The following DGLUCY variants were observed in gnomAD, a reference collection of about 807,000 sequenced individuals.
DGLUCY encodes the protein D-glutamate cyclase.
DGLUCY carries 58 observed loss-of-function variants against 58.5 expected under a neutral mutation model. The ratio of observed to expected loss-of-function variants is 0.99; its 90% CI spans 0.80 to 1.23. DGLUCY has a LOEUF of 1.23. Among genes scored for constraint, DGLUCY ranks in the 50% most tolerant of loss-of-function variants. The pLI is 0.00. For missense variants in DGLUCY, 779 were observed against 784.7 expected (o/e 0.99, Z 0.09); for synonymous variants, 325 against 314.1 (o/e 1.03, Z -0.37).
At chr14:91,148,585 G>A (rs1020920259) in intron 1 of DGLUCY, 3 of 152,128 alleles carry the variant, frequency 2.0e-5, no homozygotes, top group African/African-American at 4.8e-5. Flanking sequence ...TACAGATTAC[G>A]AAAATGATAG....
chr14:91,125,421 GTTGT>G (rs1566952430), intron 1 of DGLUCY: 1 of 152,184 alleles, frequency 6.6e-6, no homozygotes, highest in Non-Finnish European at 1.5e-5. Context: ...TTTAGGTAAG[GTTGT>G]TTGTCCAGAG....
rs1480177875 is a variant in DGLUCY at position 91,189,116 on chromosome 14, G to GACCTGGAACTTGC, written c.1144_1145insTGGAACTTGCACC (p.Gln382LeufsTer16). The stretch of plus-strand genomic sequence containing the variant: ...GGAGAAGGAGGTCGCCATAATCGTT[G>GACCTGGAACTTGC]ACCAGAGAGCCTGGAACTTGCACCA... On this transcript the variant is annotated frameshift_variant, in exon 9 of 14. Coordinates refer to ENST00000256324, the MANE Select transcript of DGLUCY (RefSeq NM_001102368.3). LOFTEE classifies it high-confidence loss of function. 1 of 1,614,052 alleles carries GACCTGGAACTTGC rather than the reference G, an allele frequency of 6.2e-7. No homozygotes were observed. Among genetic ancestry groups the GACCTGGAACTTGC allele is most frequent in the African/African-American group, 1.3e-5 (1 of 74,918 alleles).
intron 1 of DGLUCY, among the ~76,000 whole-genome samples, chr14:91,075,379 G>A (rs1346183243): frequency 6.6e-6 from 1 of 152,098 alleles, no homozygotes; most frequent in East Asian, 1.9e-4. Context: ...CTGGCCTCAA[G>A]TGATCTCCCC....
At chr14:91,146,766 G>T (rs1429773295) in intron 1 of DGLUCY, among the ~76,000 whole-genome samples, 1 of 152,194 alleles carries the variant, frequency 6.6e-6, no homozygotes, top group Non-Finnish European at 1.5e-5. Flanking sequence ...GCTGCAGAAG[G>T]TGACTGCAGG....
intron 5 of DGLUCY, among the ~76,000 whole-genome samples, chr14:91,172,342 G>T (rs1272871524): frequency 1.3e-5 from 2 of 152,178 alleles, no homozygotes; most frequent in Non-Finnish European, 2.9e-5. Flanking sequence ...GCCTCCCAAA[G>T]TGCTGGTATT....
At chr14:91,125,101 C>A (rs2045594357) in intron 1 of DGLUCY, among the ~76,000 whole-genome samples, 1 of 152,154 alleles carries the variant, frequency 6.6e-6, no homozygotes, top group Admixed American at 6.6e-5. Context: ...CCCATTCCAG[C>A]CAATGGAAAC....
At chr14:91,224,540 T>G in intron 13 of DGLUCY, 144 bp from the exon 14 acceptor site, 2 of 772,624 alleles carry the variant, frequency 2.6e-6, no homozygotes, top group Non-Finnish European at 4.0e-6. Context: ...TTTCCAATGG[T>G]ATTAGTACTT....
chr14:91,122,574 T>C (rs1463666041), intron 1 of DGLUCY, among the ~76,000 whole-genome samples: 1 of 151,898 alleles, frequency 6.6e-6, no homozygotes, highest in African/African-American at 2.4e-5. Flanking sequence ...CAATGTTATG[T>C]GTATTTTAAC....
intron 12 of DGLUCY, among the ~76,000 whole-genome samples, chr14:91,207,990 C>G (rs1171221838): frequency 1.3e-5 from 2 of 152,150 alleles, no homozygotes; most frequent in African/African-American, 2.4e-5. Context: ...TCAGGTGATT[C>G]GTCTGCCTTG....
intron 1 of DGLUCY, among the ~76,000 whole-genome samples, chr14:91,147,091 T>A (rs1183027258): frequency 6.6e-6 from 1 of 152,188 alleles, no homozygotes; most frequent in Non-Finnish European, 1.5e-5. Context: ...GTGGCCTTCC[T>A]CTCTGAGTCC....
At chr14:91,167,089 A>G (rs2048325789) in intron 3 of DGLUCY, 136 bp from the exon 4 acceptor site, 1 of 1,155,486 alleles carries the variant, frequency 8.7e-7, no homozygotes, top group Admixed American at 2.6e-5. Flanking sequence ...CAGTGAGCCA[A>G]GATTGTGCCA....
At position 91,224,765 on chromosome 14, in the gene DGLUCY, C is replaced by T; in HGVS notation, c.1798C>T (p.Leu600=). 1 of 1,613,756 alleles carries T rather than the reference C, an allele frequency of 6.2e-7. No individual in the cohort carries two copies. Among genetic ancestry groups the T allele is most frequent in the Non-Finnish European group, 8.5e-7 (1 of 1,179,776 alleles). Residue 600 remains leucine (L), a synonymous_variant, in exon 14 of 14, where the codon CTG becomes TTG. Transcript: ENST00000256324. ...SGIVGMEVDG[L]PFHNTHAEMI... ...CATCGTGGGCATGGAGGTGGATGGGCTGCCCTTCCACAACACCCACGCCGA... is the reference window on the plus strand; with the variant it reads ...CATCGTGGGCATGGAGGTGGATGGGTTGCCCTTCCACAACACCCACGCCGA...
In DGLUCY at chr14:91,189,570, G is replaced by A. The variant is rs1429736789; in HGVS notation, c.1195+400G>A. Among the ~76,000 whole-genome samples the A allele has an allele frequency of 4.6e-5, 7 of 152,318 alleles. No homozygotes were observed. The East Asian group carries it at 1.4e-3, about 29-fold the overall frequency. ...GACAGCAGTCCCACCTGGTCGTGAT[G>A]GGCAGGGCTGCACCTGGAGCACCCA... On this transcript the variant is annotated intron_variant, in intron 9 of 13. Transcript: ENST00000256324.
chr14:91,218,158 T>C (rs1381852791), intron 13 of DGLUCY, among the ~76,000 whole-genome samples: 1 of 152,154 alleles, frequency 6.6e-6, no homozygotes, highest in Non-Finnish European at 1.5e-5. Context: ...AGGGAAATGG[T>C]CTGCCCTAGA....
intron 9 of DGLUCY, chr14:91,189,803 C>CTTTTT (rs2049757372): frequency 6.5e-6 from 1 of 153,858 alleles, no homozygotes; most frequent in African/African-American, 2.4e-5. Context: ...ATGCATTCTT[C>CTTTTT]AGAGGTATGT....
intron 1 of DGLUCY, among the ~76,000 whole-genome samples, chr14:91,152,939 C>T (rs188909906): frequency 4.4e-4 from 67 of 152,212 alleles, no homozygotes; most frequent in South Asian, 3.5e-3. Flanking sequence ...TGTTTCCTGT[C>T]GTTGTGGGCT....
chr14:91,202,058 A>AAATATTAATAATAAT (rs1555405470), intron 11 of DGLUCY, among the ~76,000 whole-genome samples: 8 of 142,576 alleles, frequency 5.6e-5, no homozygotes, highest in African/African-American at 2.1e-4. Context: ...TCTGTCTCAA[A>AAATATTAATAATAAT]AATAATAATA....
intron 1 of DGLUCY, among the ~76,000 whole-genome samples, chr14:91,135,969 C>T (rs2046312099): frequency 9.1e-6 from 1 of 110,470 alleles, no homozygotes; most frequent in Non-Finnish European, 1.7e-5. Flanking sequence ...GAGTCTGGCT[C>T]TGTCGCCCAG....
Position 91,202,307 on chromosome 14 carries a change from G to A in DGLUCY, c.1445-2399G>A, listed in dbSNP as rs183011967. On this transcript the variant is annotated intron_variant, in intron 11 of 13. Transcript: ENST00000256324. ...AGGGAATCATGCCTTTATGAATTGCGGAAAGGCTTAGTGTAAGCCCCAAGG... is the reference window on the plus strand; with the variant it reads ...AGGGAATCATGCCTTTATGAATTGCAGAAAGGCTTAGTGTAAGCCCCAAGG... Among the ~76,000 whole-genome samples the A allele has an allele frequency of 7.3e-3, 1,104 of 152,102 alleles. 9 individuals are homozygous for A. The highest frequency in any genetic ancestry group is 0.012 in the Non-Finnish European group (809 of 67,986).
Sources: allele counts gnomAD v4.1 joint callset (sites outside exome capture counted in the v4.1 genomes callset), GRCh38; gene constraint gnomAD v4.1.1; transcripts MANE v1.5; gene names NCBI Gene and HGNC (gene_info 2026-07-23, HGNC 2026-07-21).